Variants in TMEM132D observed in about 807,000 individuals in gnomAD.
TMEM132D encodes mature OL transmembrane protein.
A neutral mutation model predicts 62.3 loss-of-function variants in TMEM132D; 21 were observed. That is an observed-to-expected ratio of 0.34 (90% CI 0.24 to 0.49). TMEM132D has a LOEUF of 0.49. TMEM132D is among the 20% of genes least tolerant of loss of function. TMEM132D has a pLI of 0.99. For synonymous variants in TMEM132D, 621 were observed against 575.6 expected, an observed-to-expected ratio of 1.08 and a Z score of -1.13; for missense variants, 1,346 against 1,402.8, an observed-to-expected ratio of 0.96 and a Z score of 0.65.
chr12:129,401,271 A>G (rs1374190262), intron 3 of TMEM132D, among the ~76,000 whole-genome samples: 1 of 152,350 alleles, frequency 6.6e-6, no homozygotes, highest in African/African-American at 2.4e-5. Flanking sequence ...TTGGCATAAG[A>G]TGTGGTTTAT....
intron 2 of TMEM132D, among the ~76,000 whole-genome samples, chr12:129,552,217 T>C (rs1374751925): frequency 5.9e-5 from 9 of 152,104 alleles, no homozygotes; most frequent in Non-Finnish European, 1.0e-4. Context: ...AGGATTGAGT[T>C]TGCAACAAGA....
At chr12:129,850,372 C>T (rs1436176375) in intron 1 of TMEM132D, among the ~76,000 whole-genome samples, 3 of 152,166 alleles carry the variant, frequency 2.0e-5, no homozygotes, top group Non-Finnish European at 4.4e-5. Context: ...AGGCCTGCCC[C>T]CACGGAGGAT....
intron 1 of TMEM132D, among the ~76,000 whole-genome samples, chr12:129,746,617 T>C (rs144741951): frequency 1.9e-3 from 290 of 152,282 alleles, no homozygotes; most frequent in Non-Finnish European, 3.1e-3. Context: ...TTTATACACA[T>C]AAGCCATATT....
chr12:129,858,930 G>T (rs1873785292), intron 1 of TMEM132D, among the ~76,000 whole-genome samples: 1 of 125,532 alleles, frequency 8.0e-6, no homozygotes, highest in Non-Finnish European at 1.7e-5. Context: ...CCTTGTAACG[G>T]AGTCCGGGGG....
At chr12:129,767,734 C>T (rs1009602861) in intron 1 of TMEM132D, among the ~76,000 whole-genome samples, 3 of 152,190 alleles carry the variant, frequency 2.0e-5, no homozygotes, top group Non-Finnish European at 4.4e-5. Flanking sequence ...ATCCATTCAT[C>T]CATCAATGGA....
At chr12:129,307,526 T>G (rs1881872712) in intron 4 of TMEM132D, among the ~76,000 whole-genome samples, 1 of 152,184 alleles carries the variant, frequency 6.6e-6, no homozygotes, top group Non-Finnish European at 1.5e-5. Flanking sequence ...AACAAAATGC[T>G]TGATTTCCCC....
chr12:129,608,944 C>T (rs1009642017), intron 2 of TMEM132D, among the ~76,000 whole-genome samples: 4 of 141,740 alleles, frequency 2.8e-5, no homozygotes, highest in Non-Finnish European at 4.6e-5. Flanking sequence ...TCAAATTGTT[C>T]TTTTTTTTTT....
At chr12:129,603,129 G>T (rs192560058) in intron 2 of TMEM132D, among the ~76,000 whole-genome samples, 1 of 152,154 alleles carries the variant, frequency 6.6e-6, no homozygotes, top group Non-Finnish European at 1.5e-5. Context: ...TGTTACAACT[G>T]AGGAACCTAT....
intron 5 of TMEM132D, among the ~76,000 whole-genome samples, chr12:129,106,415 A>T (rs1875500512): frequency 6.6e-6 from 1 of 152,068 alleles, no homozygotes; most frequent in South Asian, 2.1e-4. Context: ...TTAAAGTATA[A>T]TAATAATAAA....
At chr12:129,660,984 C>T (rs1050406116) in intron 2 of TMEM132D, among the ~76,000 whole-genome samples, 11 of 152,128 alleles carry the variant, frequency 7.2e-5, no homozygotes. Context: ...TTTCCAAAAC[C>T]TAATGTATTT....
intron 4 of TMEM132D, among the ~76,000 whole-genome samples, chr12:129,310,991 G>A (rs1881959521): frequency 1.0e-5 from 1 of 96,078 alleles, no homozygotes; most frequent in African/African-American, 5.3e-5. Flanking sequence ...GAGGTCAGGA[G>A]ATCGAGACCA....
chr12:129,785,129 C>G (rs1871217610), intron 1 of TMEM132D, among the ~76,000 whole-genome samples: 1 of 152,156 alleles, frequency 6.6e-6, no homozygotes, highest in African/African-American at 2.4e-5. Context: ...TCAGTGGGCT[C>G]CTAGGGTGAA....
intron 1 of TMEM132D, among the ~76,000 whole-genome samples, chr12:129,760,319 CTTTCTTT>C (rs1207193195): frequency 4.2e-4 from 40 of 95,696 alleles, no homozygotes; most frequent in Non-Finnish European, 7.2e-4. Context: ...ATGTAAGCCA[CTTTCTTT>C]TTTTTTTTTT....
intron 4 of TMEM132D, among the ~76,000 whole-genome samples, chr12:129,214,284 T>G (rs1424550854): frequency 1.3e-5 from 2 of 152,210 alleles, no homozygotes; most frequent in African/African-American, 2.4e-5. Flanking sequence ...TTGATTTTTG[T>G]TTTTTTAAAT....
intron 3 of TMEM132D, among the ~76,000 whole-genome samples, chr12:129,367,544 G>T (rs142549708): frequency 6.6e-6 from 1 of 152,282 alleles, no homozygotes; most frequent in African/African-American, 2.4e-5. Context: ...TGGTGTGTGT[G>T]CCGGGGGAGC....
At chr12:129,687,385 G>T (rs1037721850) in intron 2 of TMEM132D, among the ~76,000 whole-genome samples, 4 of 152,014 alleles carry the variant, frequency 2.6e-5, no homozygotes, top group African/African-American at 9.7e-5. Flanking sequence ...GTGAACATCT[G>T]TCATGTTTTA....
At chr12:129,671,980 C>T (rs1413272040) in intron 2 of TMEM132D, among the ~76,000 whole-genome samples, 2 of 152,166 alleles carry the variant, frequency 1.3e-5, no homozygotes, top group South Asian at 2.1e-4. Context: ...TGAGCCTGGC[C>T]GCTGCAGACC....
chr12:129,718,853 C>T (rs264474), intron 1 of TMEM132D, among the ~76,000 whole-genome samples: 148,694 of 152,270 alleles, frequency 0.98, 72,688 homozygotes, highest in Middle Eastern at 1. Flanking sequence ...GGAAGAATTA[C>T]ACAAGTTATT....
chr12:129,584,541 G>A (rs2137129452), intron 2 of TMEM132D, among the ~76,000 whole-genome samples: 1 of 152,292 alleles, frequency 6.6e-6, no homozygotes, highest in Middle Eastern at 3.4e-3. Context: ...TCTGGTTCGT[G>A]GCAAGCATGA....
Sources: gnomAD v4.1 joint callset for allele counts (sites outside exome capture counted in the v4.1 genomes callset) on GRCh38, gnomAD v4.1.1 for gene constraint, MANE v1.5 for transcripts, NCBI Gene and HGNC (gene_info 2026-07-23, HGNC 2026-07-21) for gene names.